MVB12B: variants seen among roughly 807,000 people sequenced by gnomAD.
MVB12B encodes multivesicular body subunit 12B.
In MVB12B, 16 loss-of-function variants were observed where a neutral mutation model predicts 41.6. The observed-to-expected ratio is 0.38, with a 90% CI of 0.26 to 0.58. The LOEUF is 0.58. MVB12B is among the 20% of genes least tolerant of loss of function. MVB12B has a pLI of 0.62. For synonymous variants in MVB12B, 133 were observed against 139.7 expected (o/e 0.95, Z 0.34); for missense variants, 274 against 380.2 (o/e 0.72, Z 2.32).
Position 126,459,864 on chromosome 9 carries a change from A to G in MVB12B, c.758-21505A>G, listed in dbSNP as rs192058701. On this transcript the variant is annotated intron_variant, in intron 7 of 9. Coordinates refer to ENST00000361171, the MANE Select transcript of MVB12B (RefSeq NM_033446.3). This position sits in a 1 kb window ranked among gnomAD's most constrained non-coding sequence, Gnocchi z 4.3. Reference sequence around the variant, plus strand: ...AGCCCACCCATCTCGAGGGAGAGAAAGGGCTCCGGGGCTCAGTAATGGTTT... The same window carrying G: ...AGCCCACCCATCTCGAGGGAGAGAAGGGGCTCCGGGGCTCAGTAATGGTTT... Among the ~76,000 whole-genome samples, 6 of 152,262 alleles carry G rather than the reference A, an allele frequency of 3.9e-5. No individual in the cohort carries two copies. The highest frequency in any genetic ancestry group is 2.6e-4 in the Admixed American group (4 of 15,302).
intron 7 of MVB12B, among the ~76,000 whole-genome samples, chr9:126,472,596 G>A (rs985312562): frequency 1.1e-4 from 16 of 152,008 alleles, no homozygotes; most frequent in Admixed American, 6.6e-5. Flanking sequence ...CAATCCCCTT[G>A]ACTTGTAGTG....
Position 126,469,018 on chromosome 9 carries a change from A to C in MVB12B, c.758-12351A>C, listed in dbSNP as rs181466774. 4.8e-3 allele frequency among the ~76,000 whole-genome samples: 724 copies of C among 152,290 alleles called. 19 individuals carry two copies. The highest frequency in any genetic ancestry group is 0.032 in the Admixed American group (490 of 15,300). On this transcript the variant is annotated intron_variant, in intron 7 of 9. Coordinates refer to ENST00000361171, the MANE Select transcript of MVB12B (RefSeq NM_033446.3). ...TTATTAAAAACACGAATACATACAA[A>C]ACAAAATTCTGGCCAGCTGTAGTGG...
At chr9:126,429,863 A>G (rs1036778291) in intron 7 of MVB12B, among the ~76,000 whole-genome samples, 2 of 152,160 alleles carry the variant, frequency 1.3e-5, no homozygotes, top group Non-Finnish European at 2.9e-5. Flanking sequence ...CTTCACAGAG[A>G]GATAGACCCT....
At chr9:126,346,960 G>A (rs555466356) in intron 2 of MVB12B, among the ~76,000 whole-genome samples, 4 of 152,242 alleles carry the variant, frequency 2.6e-5, no homozygotes, top group Non-Finnish European at 5.9e-5. Context: ...AGTGGGAGGT[G>A]ACAACGAGAG....
Position 126,504,260 on chromosome 9 carries a change from G to C in MVB12B, c.*997G>C, listed in dbSNP as rs1834021669. 6.6e-6 allele frequency: 1 copy of C among 152,280 alleles called. No homozygotes were observed. The highest frequency in any genetic ancestry group is 2.1e-4 in the South Asian group (1 of 4,834). 9.4% of individuals were successfully genotyped at this position (152,280 alleles called of 1,614,324 possible). On this transcript the variant is annotated 3_prime_UTR_variant, in exon 10 of 10. Transcript: ENST00000361171. Reference sequence around the variant, plus strand: ...GAACTGGCACTTCCGAGTGCCCACTGGTGCTGGCGTCCTCAAAGTGCCGGG... The same window carrying C: ...GAACTGGCACTTCCGAGTGCCCACTCGTGCTGGCGTCCTCAAAGTGCCGGG...
chr9:126,454,997 C>T (rs1223130716), intron 7 of MVB12B, among the ~76,000 whole-genome samples: 1 of 151,996 alleles, frequency 6.6e-6, no homozygotes, highest in Non-Finnish European at 1.5e-5. Context: ...CGAGCATGCA[C>T]CATGATGGCG....
Position 126,459,149 on chromosome 9 carries a change from G to A in MVB12B, c.758-22220G>A, listed in dbSNP as rs185178512. Among the ~76,000 whole-genome samples, 238 of 152,322 alleles carry A rather than the reference G, an allele frequency of 1.6e-3. No homozygotes were observed. The highest frequency in any genetic ancestry group is 5.6e-3 in the African/African-American group (234 of 41,564). ...GGTTGGGTTACATACTAAGGAAAAA[G>A]TAATCAGTTGGCAAGTAGGTTACCT... On this transcript the variant is annotated intron_variant, in intron 7 of 9. Coordinates refer to ENST00000361171, the MANE Select transcript of MVB12B (RefSeq NM_033446.3). The surrounding 1 kb of genome is among the most constrained non-coding windows in gnomAD (Gnocchi z 4.3).
chr9:126,485,806 AAG>A (rs1833607921), intron 9 of MVB12B, among the ~76,000 whole-genome samples: 1 of 152,228 alleles, frequency 6.6e-6, no homozygotes, highest in African/African-American at 2.4e-5. Context: ...ACTCTGAAGA[AAG>A]GGAGTTGAGT....
chr9:126,431,328 G>A (rs944913680), intron 7 of MVB12B, among the ~76,000 whole-genome samples: 2 of 152,216 alleles, frequency 1.3e-5, no homozygotes, highest in Admixed American at 6.5e-5. Flanking sequence ...TCTCAAGAAG[G>A]TGACAGAATG....
chr9:126,489,117 G>A (rs776722231), intron 9 of MVB12B, among the ~76,000 whole-genome samples: 3 of 152,180 alleles, frequency 2.0e-5, no homozygotes, highest in Non-Finnish European at 2.9e-5. Context: ...ATGCGCTCCT[G>A]GGCCCGGACA....
chr9:126,440,978 T>C (rs879530286), intron 7 of MVB12B, among the ~76,000 whole-genome samples: 1 of 152,166 alleles, frequency 6.6e-6, no homozygotes, highest in Non-Finnish European at 1.5e-5. Flanking sequence ...AATTGGTGGA[T>C]TGGTTTAGCG....
intron 6 of MVB12B, among the ~76,000 whole-genome samples, chr9:126,418,860 C>T (rs1831907703): frequency 6.6e-6 from 1 of 152,186 alleles, no homozygotes; most frequent in Admixed American, 6.5e-5. Flanking sequence ...CTACCCTGCC[C>T]TTCCTAGCAC....
chr9:126,464,732 A>C (rs1328743744), intron 7 of MVB12B, among the ~76,000 whole-genome samples: 2 of 152,194 alleles, frequency 1.3e-5, no homozygotes, highest in African/African-American at 2.4e-5. Context: ...TCACATGGCA[A>C]GGTGTTACCC....
At chr9:126,329,575 C>A (rs964993048) in intron 1 of MVB12B, among the ~76,000 whole-genome samples, 1 of 152,212 alleles carries the variant, frequency 6.6e-6, no homozygotes, top group Admixed American at 6.5e-5. Context: ...CTATCCATTT[C>A]ATGGAGGATC....
At chr9:126,347,649 AAAGT>A (rs1056799636) in intron 2 of MVB12B, among the ~76,000 whole-genome samples, 3 of 152,236 alleles carry the variant, frequency 2.0e-5, no homozygotes, top group Admixed American at 6.5e-5. Context: ...TTTACTTACT[AAAGT>A]AAGAGAAGGA....
intron 2 of MVB12B, among the ~76,000 whole-genome samples, chr9:126,362,764 T>C (rs909894981): frequency 6.6e-6 from 1 of 152,254 alleles, no homozygotes; most frequent in African/African-American, 2.4e-5. Flanking sequence ...TCTTCATTTG[T>C]TTTACAGAGC....
In MVB12B at chr9:126,407,042, C is replaced by G. The variant is rs760068647; in HGVS notation, c.662+11345C>G. ...CACTTGAATAGTTTGAAATTCAACA[C>G]AAGTGTATATTTTTAGTGAAGACAT... On this transcript the variant is annotated intron_variant, in intron 6 of 9. Coordinates refer to ENST00000361171, the MANE Select transcript of MVB12B (RefSeq NM_033446.3). Among the ~76,000 whole-genome samples the G allele has an allele frequency of 2.4e-4, 36 of 152,158 alleles. 1 individual carries two copies. Among genetic ancestry groups the G allele is most frequent in the Admixed American group, 1.3e-4 (2 of 15,278 alleles).
intron 1 of MVB12B, among the ~76,000 whole-genome samples, chr9:126,331,226 C>T (rs748617703): frequency 2.6e-5 from 4 of 152,212 alleles, no homozygotes; most frequent in Non-Finnish European, 5.9e-5. Flanking sequence ...ACATTCCCAC[C>T]AGCAGTGTGC....
At chr9:126,347,911 C>T (rs192389503) in intron 2 of MVB12B, among the ~76,000 whole-genome samples, 2 of 152,318 alleles carry the variant, frequency 1.3e-5, no homozygotes, top group East Asian at 1.9e-4. Context: ...AAATTGCCCT[C>T]GTTCTCCATG....
Sources: gnomAD v4.1 joint callset for allele counts (sites outside exome capture counted in the v4.1 genomes callset) on GRCh38, gnomAD v4.1.1 for gene constraint, Gnocchi (gnomAD v3.1) non-coding constraint, MANE v1.5 for transcripts, NCBI Gene and HGNC (gene_info 2026-07-23, HGNC 2026-07-21) for gene names.